RANBP2: variants seen among roughly 807,000 people sequenced by gnomAD.
The protein encoded by RANBP2 is RAN binding protein 2, also known as E3 SUMO-protein ligase RanBP2.
In RANBP2, 57 loss-of-function variants were observed where a neutral mutation model predicts 303.6. That is an observed-to-expected ratio of 0.19 (90% CI 0.15 to 0.23). The LOEUF is 0.23. Among genes scored for constraint, RANBP2 ranks in the 10% least tolerant of loss-of-function variants. RANBP2 has a pLI of 1.00. For synonymous variants in RANBP2, 1,167 were observed against 1,301.5 expected (o/e 0.90, Z 2.23); for missense variants, 3,138 against 3,780.8 (o/e 0.83, Z 4.46).
At chr2:109,518,473 C>T in the RANBP2 span, among the ~76,000 whole-genome samples, 1 of 152,220 alleles carries the variant, frequency 6.6e-6, no homozygotes, top group Non-Finnish European at 1.5e-5. Context: ...CTGCAGACCC[C>T]AGAGCCTACG....
chr2:108,785,022 ATC>A lies in RANBP2; in HGVS notation c.*1122_*1123del. ...CCTACTCAATATGGAACTACAAAGAATCCAGGTAGAACACAAAATTTTGTATA... is the reference window on the plus strand; with the variant it reads ...CCTACTCAATATGGAACTACAAAGAACAGGTAGAACACAAAATTTTGTATA... On this transcript the variant is annotated 3_prime_UTR_variant, in exon 29 of 29. Coordinates refer to ENST00000283195, the MANE Select transcript of RANBP2 (RefSeq NM_006267.5). The A allele has an allele frequency of 6.6e-6, 1 of 152,334 alleles. No homozygotes were observed. The highest frequency in any genetic ancestry group is 1.9e-4 in the East Asian group (1 of 5,196). The allele number at this position is 152,334 out of a possible 1,614,324, so 9.4% of individuals were successfully genotyped here. A position where few individuals can be genotyped will look rare whatever the true frequency, so the allele number is the denominator to read the frequency against.
the RANBP2 span, among the ~76,000 whole-genome samples, chr2:109,060,294 C>T: frequency 7.9e-5 from 12 of 152,230 alleles, no homozygotes; most frequent in African/African-American, 2.4e-4. Context: ...TGTTGGTAAC[C>T]GAATACAGGT....
chr2:109,668,854 T>G, the RANBP2 span, among the ~76,000 whole-genome samples: 2 of 152,128 alleles, frequency 1.3e-5, no homozygotes, highest in African/African-American at 4.8e-5. Flanking sequence ...AGCCCACTGC[T>G]AGGACTATAA....
chr2:109,590,842 G>T, the RANBP2 span, among the ~76,000 whole-genome samples: 1 of 152,108 alleles, frequency 6.6e-6, no homozygotes, highest in South Asian at 2.1e-4. Context: ...GTGGTCTCTA[G>T]GAGCTGACAA....
chr2:109,296,748 G>A, the RANBP2 span, among the ~76,000 whole-genome samples: 6 of 152,166 alleles, frequency 3.9e-5, no homozygotes, highest in Non-Finnish European at 8.8e-5. Context: ...CAGAGGATTC[G>A]CGTGGCCTGG....
At chr2:108,779,875 C>T (rs2149323905) in intron 25 of RANBP2, among the ~76,000 whole-genome samples, 1 of 152,294 alleles carries the variant, frequency 6.6e-6, no homozygotes, top group East Asian at 1.9e-4. Context: ...AAGAAATCTA[C>T]ATTCCAGCAT....
At chr2:109,583,106 C>T in the RANBP2 span, among the ~76,000 whole-genome samples, 1 of 152,186 alleles carries the variant, frequency 6.6e-6, no homozygotes. Flanking sequence ...CCATGCTGCA[C>T]ATTGGCCTTG....
chr2:109,433,744 G>A, the RANBP2 span, among the ~76,000 whole-genome samples: 1 of 152,216 alleles, frequency 6.6e-6, no homozygotes, highest in Non-Finnish European at 1.5e-5. Context: ...AGAAGCGGGG[G>A]CTAAGGGATG....
the RANBP2 span, among the ~76,000 whole-genome samples, chr2:109,724,821 T>A: frequency 6.6e-6 from 1 of 152,252 alleles, no homozygotes; most frequent in African/African-American, 2.4e-5. Flanking sequence ...GAATGTATGG[T>A]CTTTACTTCT....
At chr2:109,546,295 T>G in the RANBP2 span, 1 of 1,204,770 alleles carries the variant, frequency 8.3e-7, no homozygotes, top group Non-Finnish European at 1.1e-6. Flanking sequence ...AGGCACGCTC[T>G]CCAGCTCAGC....
chr2:109,555,221 C>T, the RANBP2 span, among the ~76,000 whole-genome samples: 1 of 152,152 alleles, frequency 6.6e-6, no homozygotes, highest in Non-Finnish European at 1.5e-5. Context: ...CTTTAAATTG[C>T]ACTCAAGAAA....
At chr2:109,565,700 T>A in the RANBP2 span, 1 of 1,344,604 alleles carries the variant, frequency 7.4e-7, no homozygotes, top group Non-Finnish European at 1.1e-6. Flanking sequence ...AAAGAAGGCA[T>A]GACAGGTAGC....
At chr2:109,208,553 C>G in the RANBP2 span, among the ~76,000 whole-genome samples, 1 of 152,332 alleles carries the variant, frequency 6.6e-6, no homozygotes, top group African/African-American at 2.4e-5. Flanking sequence ...CCAGCACCAA[C>G]CGACCCACCT....
At chr2:109,774,532 T>TA in the RANBP2 span, among the ~76,000 whole-genome samples, 3 of 91,686 alleles carry the variant, frequency 3.3e-5, 1 homozygote, top group South Asian at 7.1e-4. Context: ...TTATATATAT[T>TA]ATATATAAAA....
At chr2:109,403,926 G>A in the RANBP2 span, among the ~76,000 whole-genome samples, 1 of 152,216 alleles carries the variant, frequency 6.6e-6, no homozygotes, top group South Asian at 2.1e-4. Flanking sequence ...GCGTGCGTGC[G>A]GGCTGCCCTC....
At chr2:108,740,244 T>C (rs187759359) in intron 6 of RANBP2, among the ~76,000 whole-genome samples, 370 of 152,214 alleles carry the variant, frequency 2.4e-3, no homozygotes, top group African/African-American at 8.3e-3. Flanking sequence ...ATTTATCCTG[T>C]GATTGGAGGG....
chr2:108,766,488 C>T lies in RANBP2; in HGVS notation c.5949C>T (p.Tyr1983=), dbSNP rs1384565914. 2.0e-5 allele frequency: 32 copies of T among 1,611,732 alleles called. No individual in the cohort carries two copies. In the East Asian group the frequency reaches 2.9e-4, roughly 15 times the overall value. The part of the protein sequence containing the change: ...GAGEKLFSSQ[Y]GKMANKANTS... The stretch of plus-strand genomic sequence containing the variant: ...GAGAAAAATTATTCTCATCACAATA[C>T]GGTAAAATGGCCAATAAAGCAAACA... The change falls in exon 20 of 29, where the codon TAC becomes TAT. Residue 1983 remains tyrosine (Y), a synonymous_variant. Coordinates refer to ENST00000283195, the MANE Select transcript of RANBP2 (RefSeq NM_006267.5).
chr2:109,368,456 C>T, the RANBP2 span, among the ~76,000 whole-genome samples: 1 of 151,466 alleles, frequency 6.6e-6, no homozygotes, highest in Admixed American at 6.6e-5. Context: ...AATGATTGGC[C>T]AATTTTAGTA....
At chr2:108,979,857 C>A in the RANBP2 span, among the ~76,000 whole-genome samples, 29 of 152,170 alleles carry the variant, frequency 1.9e-4, no homozygotes, top group Admixed American at 3.9e-4. Flanking sequence ...GCCAGCCTGG[C>A]TCTGACGGGC....
Sources: allele counts gnomAD v4.1 joint callset (sites outside exome capture counted in the v4.1 genomes callset), GRCh38; gene constraint gnomAD v4.1.1; transcripts MANE v1.5; gene names NCBI Gene and HGNC (gene_info 2026-07-23, HGNC 2026-07-21).